Variants in PIGU observed in about 807,000 individuals in gnomAD.
PIGU encodes GPI-anchor transamidase component PIGU.
A neutral mutation model predicts 49.9 loss-of-function variants in PIGU; 24 were observed. The ratio of observed to expected loss-of-function variants is 0.48; its 90% CI spans 0.35 to 0.68. The LOEUF is 0.68. Ranked by LOEUF, PIGU falls within the 30% of genes least tolerant of loss-of-function variation. PIGU has a pLI of 0.01. For missense variants in PIGU, 490 were observed against 532.6 expected (o/e 0.92, Z 0.79); for synonymous variants, 220 against 205.7 (o/e 1.07, Z -0.59).
At chr20:34,640,746 G>A (rs938865886) in intron 4 of PIGU, among the ~76,000 whole-genome samples, 3 of 152,070 alleles carry the variant, frequency 2.0e-5, no homozygotes, top group Admixed American at 6.6e-5. Flanking sequence ...TTTTCCATAT[G>A]TAAGTTATAT....
chr20:34,583,631 T>G (rs543983178), intron 9 of PIGU, among the ~76,000 whole-genome samples: 38 of 152,272 alleles, frequency 2.5e-4, no homozygotes, highest in South Asian at 2.3e-3. Context: ...GCACGGCCAG[T>G]GCGGAAAGGT....
At chr20:34,566,951 A>C (rs1982793445) in intron 11 of PIGU, among the ~76,000 whole-genome samples, 1 of 152,178 alleles carries the variant, frequency 6.6e-6, no homozygotes, top group African/African-American at 2.4e-5. Context: ...AGAGGTTGTT[A>C]ATACAGTGTG....
At chr20:34,668,483 A>AAAAAAAAAAG (rs1412365978) in intron 1 of PIGU, among the ~76,000 whole-genome samples, 1 of 88,720 alleles carries the variant, frequency 1.1e-5, no homozygotes, top group Non-Finnish European at 2.0e-5. Context: ...AAAAAAAAAA[A>AAAAAAAAAAG]GGGGGGGGCG....
chr20:34,564,505 GA>G lies in PIGU; in HGVS notation c.1195-3527del, dbSNP rs550580804. ...AGCAAAACTCCAGCTCTTGAAACAG[GA>G]AAAAAATTAACAGCAATGACCTATT... On this transcript the variant is annotated intron_variant, in intron 11 of 11. Transcript: ENST00000217446. Among the ~76,000 whole-genome samples the G allele has an allele frequency of 5.6e-3, 859 of 152,158 alleles. 4 individuals are homozygous for G. Among genetic ancestry groups the G allele is most frequent in the Non-Finnish European group, 9.7e-3 (660 of 67,946 alleles).
At chr20:34,567,844 A>T (rs920866908) in intron 11 of PIGU, among the ~76,000 whole-genome samples, 2 of 134,336 alleles carry the variant, frequency 1.5e-5, no homozygotes, top group Non-Finnish European at 3.2e-5. Flanking sequence ...CTTCACCCCC[A>T]CCCAGGTCTT....
intron 6 of PIGU, among the ~76,000 whole-genome samples, chr20:34,623,086 A>G (rs1985308302): frequency 2.0e-5 from 3 of 152,236 alleles, no homozygotes; most frequent in African/African-American, 7.2e-5. Context: ...AGGTGGGGCC[A>G]TGGGGACTGG....
chr20:34,667,329 A>G (rs1347125119), intron 1 of PIGU, among the ~76,000 whole-genome samples: 1 of 152,206 alleles, frequency 6.6e-6, no homozygotes, highest in Non-Finnish European at 1.5e-5. Context: ...TGCAATGAAC[A>G]CACCTAGCAT....
intron 11 of PIGU, among the ~76,000 whole-genome samples, chr20:34,564,472 G>A (rs909305097): frequency 2.0e-5 from 3 of 152,176 alleles, no homozygotes; most frequent in African/African-American, 7.2e-5. Context: ...GGTCGACCTG[G>A]GCAACAGAGC....
chr20:34,667,989 G>C (rs1033534699), intron 1 of PIGU, among the ~76,000 whole-genome samples: 1 of 151,898 alleles, frequency 6.6e-6, no homozygotes, highest in Non-Finnish European at 1.5e-5. Context: ...ATCATCTCAG[G>C]GGTATTCTTC....
At chr20:34,656,917 T>C (rs1568661645) in intron 2 of PIGU, among the ~76,000 whole-genome samples, 1 of 152,228 alleles carries the variant, frequency 6.6e-6, no homozygotes, top group Non-Finnish European at 1.5e-5. Flanking sequence ...GACTAAGGAC[T>C]GTTTGCAACT....
chr20:34,642,970 G>A (rs753390917), intron 4 of PIGU, among the ~76,000 whole-genome samples: 4 of 151,502 alleles, frequency 2.6e-5, no homozygotes, highest in African/African-American at 4.9e-5. Flanking sequence ...AACCTATTTC[G>A]GAGAAGAGAA....
intron 7 of PIGU, among the ~76,000 whole-genome samples, chr20:34,614,398 G>T (rs939618382): frequency 5.9e-5 from 9 of 152,044 alleles, no homozygotes; most frequent in Non-Finnish European, 1.2e-4. Context: ...ACCAAAGTGG[G>T]TGGGTGGATG....
In PIGU at chr20:34,620,115, G is replaced by A. The variant is rs1033619351; in HGVS notation, c.530-3976C>T. ...ACCTTCTAAAACAGTTTAGATTGTG[G>A]CTAGCCAGTCTTTAAAGACTTCTGA... On this transcript the variant is annotated intron_variant, in intron 6 of 11. Coordinates refer to ENST00000217446, the MANE Select transcript of PIGU (RefSeq NM_080476.5). Among the ~76,000 whole-genome samples the A allele has an allele frequency of 2.0e-5, 3 of 152,086 alleles. No homozygotes were observed. In the East Asian group the frequency reaches 5.8e-4, roughly 29 times the overall value.
At chr20:34,643,439 A>C (rs1986231473) in intron 4 of PIGU, 1 of 152,236 alleles carries the variant, frequency 6.6e-6, no homozygotes, top group Non-Finnish European at 1.5e-5. Context: ...AACAAAAGCT[A>C]AAATGAACCA....
intron 2 of PIGU, among the ~76,000 whole-genome samples, chr20:34,656,471 A>G (rs565443001): frequency 6.9e-6 from 1 of 145,600 alleles, no homozygotes; most frequent in East Asian, 2.0e-4. Context: ...TTCAGTAGAG[A>G]CGGGGTTTCA....
chr20:34,586,091 G>C (rs907199006), intron 8 of PIGU, among the ~76,000 whole-genome samples: 1 of 152,110 alleles, frequency 6.6e-6, no homozygotes, highest in East Asian at 1.9e-4. Context: ...GTGGGTTCTG[G>C]CTAAGATCCC....
At chr20:34,663,959 T>A (rs2146791404) in intron 1 of PIGU, among the ~76,000 whole-genome samples, 1 of 152,324 alleles carries the variant, frequency 6.6e-6, no homozygotes, top group South Asian at 2.1e-4. Context: ...TGCACAACTT[T>A]TAGGCAATTG....
chr20:34,650,955 C>G (rs1324610965), intron 2 of PIGU, among the ~76,000 whole-genome samples: 3 of 151,840 alleles, frequency 2.0e-5, no homozygotes, highest in African/African-American at 7.3e-5. Context: ...CTCAGGTGAT[C>G]CGCCAGCCTC....
At chr20:34,606,052 G>A (rs893650794) in intron 7 of PIGU, among the ~76,000 whole-genome samples, 5 of 151,800 alleles carry the variant, frequency 3.3e-5, no homozygotes, top group Non-Finnish European at 7.4e-5. Flanking sequence ...TCAGGAGATC[G>A]AGACCATCCT....
Sources: allele counts gnomAD v4.1 joint callset (sites outside exome capture counted in the v4.1 genomes callset), GRCh38; gene constraint gnomAD v4.1.1; transcripts MANE v1.5; gene names NCBI Gene and HGNC (gene_info 2026-07-23, HGNC 2026-07-21).